MMP16: variants seen among roughly 807,000 people sequenced by gnomAD.
The protein encoded by MMP16 is matrix metallopeptidase 16.
A neutral mutation model predicts 67.8 loss-of-function variants in MMP16; 12 were observed. The ratio of observed to expected loss-of-function variants is 0.18; its 90% CI spans 0.11 to 0.29. MMP16 has a LOEUF of 0.29. MMP16 is among the 10% of genes least tolerant of loss of function. MMP16 has a pLI of 1.00. For missense variants in MMP16, 475 were observed against 765.7 expected (o/e 0.62, Z 4.48); for synonymous variants, 249 against 255.9 (o/e 0.97, Z 0.26).
chr8:88,251,223 C>T (rs1247743308), intron 1 of MMP16, among the ~76,000 whole-genome samples: 1 of 151,902 alleles, frequency 6.6e-6, no homozygotes, highest in African/African-American at 2.4e-5. Context: ...GGAGGCATCA[C>T]ACTACCTGAA....
chr8:88,044,413 A>G (rs569479834), intron 9 of MMP16, among the ~76,000 whole-genome samples: 1 of 152,316 alleles, frequency 6.6e-6, no homozygotes, highest in East Asian at 1.9e-4. Flanking sequence ...AGTATGTCAA[A>G]CCTTGATCCT....
At chr8:88,308,437 A>C (rs1487310757) in intron 1 of MMP16, among the ~76,000 whole-genome samples, 3 of 152,062 alleles carry the variant, frequency 2.0e-5, no homozygotes, top group Non-Finnish European at 4.4e-5. Context: ...GCCCCAGACA[A>C]GCTACATAAA....
intron 1 of MMP16, among the ~76,000 whole-genome samples, chr8:88,233,431 T>C (rs1262031928): frequency 6.6e-6 from 1 of 152,144 alleles, no homozygotes; most frequent in Non-Finnish European, 1.5e-5. Context: ...CTTCCCACCA[T>C]AATGTCCTAC....
chr8:88,041,682 G>T lies in MMP16; in HGVS notation c.1603C>A (p.Pro535Thr). ...ILKDFMGCDG[P>T]TDRVKEGHSP... ...TGTCCTTCTTTAACTCTGTCTGTTGGTCCATCACAGCCCATAAAATCCTTG... is the reference window on the plus strand; with the variant it reads ...TGTCCTTCTTTAACTCTGTCTGTTGTTCCATCACAGCCCATAAAATCCTTG... Residue 535 changes from proline (P) to threonine (T), a missense_variant, in exon 10 of 10, where the codon CCA becomes ACA. Physicochemically the swap from Pro to Thr is conservative, Grantham distance 38. Coordinates refer to ENST00000286614, the MANE Select transcript of MMP16 (RefSeq NM_005941.5). The surrounding 1 kb of genome is among the most constrained non-coding windows in gnomAD (Gnocchi z 6.0). 6.2e-7 allele frequency: 1 copy of T among 1,613,980 alleles called. No individual in the cohort carries two copies. Among genetic ancestry groups the T allele is most frequent in the Non-Finnish European group, 8.5e-7 (1 of 1,179,976 alleles).
intron 1 of MMP16, among the ~76,000 whole-genome samples, chr8:88,265,694 T>C (rs1810466250): frequency 6.6e-6 from 1 of 152,178 alleles, no homozygotes; most frequent in Admixed American, 6.5e-5. Flanking sequence ...TCATATCTTG[T>C]TTTTTAAGAA....
intron 7 of MMP16, among the ~76,000 whole-genome samples, chr8:88,074,161 T>C (rs944034240): frequency 6.6e-6 from 1 of 152,164 alleles, no homozygotes; most frequent in African/African-American, 2.4e-5. Flanking sequence ...AAGAATTCCT[T>C]GACTTCAGTT....
chr8:88,294,417 CAT>C (rs1239856851), intron 1 of MMP16, among the ~76,000 whole-genome samples: 6 of 150,880 alleles, frequency 4.0e-5, no homozygotes, highest in South Asian at 2.1e-4. Flanking sequence ...CATATATACA[CAT>C]ATATACACAT....
intron 7 of MMP16, among the ~76,000 whole-genome samples, chr8:88,062,646 G>A (rs1263432394): frequency 1.3e-5 from 2 of 151,748 alleles, no homozygotes; most frequent in Non-Finnish European, 2.9e-5. Flanking sequence ...ATCACACACC[G>A]GGGCCTGTTG....
chr8:88,048,511 C>G (rs947302880), intron 8 of MMP16, among the ~76,000 whole-genome samples: 1 of 152,156 alleles, frequency 6.6e-6, no homozygotes, highest in Non-Finnish European at 1.5e-5. Context: ...AGCCCTATTG[C>G]TCTATGCATT....
At chr8:88,131,324 AACG>A (rs1402672305) in intron 4 of MMP16, among the ~76,000 whole-genome samples, 2 of 151,248 alleles carry the variant, frequency 1.3e-5, no homozygotes, top group African/African-American at 4.8e-5. Flanking sequence ...CACCTAAACT[AACG>A]TAAAAGATAT....
intron 7 of MMP16, among the ~76,000 whole-genome samples, chr8:88,064,036 A>G (rs1351713089): frequency 2.0e-5 from 3 of 152,136 alleles, no homozygotes; most frequent in Admixed American, 2.0e-4. Context: ...AGCAGTGGTC[A>G]GTGAAGGAGG....
intron 2 of MMP16, among the ~76,000 whole-genome samples, chr8:88,189,135 T>C (rs1421133244): frequency 6.6e-6 from 1 of 152,176 alleles, no homozygotes; most frequent in Non-Finnish European, 1.5e-5. Context: ...TTTTGAGCTT[T>C]TACAACATGC....
intron 6 of MMP16, among the ~76,000 whole-genome samples, chr8:88,103,407 AC>A (rs1212976876): frequency 2.0e-5 from 3 of 151,820 alleles, no homozygotes; most frequent in Non-Finnish European, 4.4e-5. Context: ...GCTGGATAAA[AC>A]TTCCTTAATT....
chr8:88,154,151 T>C (rs1451141221), intron 4 of MMP16, among the ~76,000 whole-genome samples: 48 of 117,536 alleles, frequency 4.1e-4, no homozygotes, highest in Admixed American at 6.4e-4. Flanking sequence ...GAAATGCAAA[T>C]CAAAACCACT....
chr8:88,084,288 T>G (rs756118516), intron 6 of MMP16, among the ~76,000 whole-genome samples: 1 of 151,952 alleles, frequency 6.6e-6, no homozygotes. Flanking sequence ...TACAATCACG[T>G]AGAAGCAAAA....
At chr8:88,320,748 C>A (rs1193735198) in intron 1 of MMP16, among the ~76,000 whole-genome samples, 1 of 152,134 alleles carries the variant, frequency 6.6e-6, no homozygotes, top group Non-Finnish European at 1.5e-5. Context: ...CTTTAAGCAG[C>A]TCAATAGCTC....
chr8:88,074,751 C>CCAAG lies in MMP16; in HGVS notation c.1084-12_1084-9dup, dbSNP rs1808616890. 6.2e-7 allele frequency: 1 copy of CCAAG among 1,610,824 alleles called. No homozygotes were observed. Among genetic ancestry groups the CCAAG allele is most frequent in the African/African-American group, 1.3e-5 (1 of 74,730 alleles). ...TCGCCAAAACCACTGGTCCTGCAAA[C>CCAAG]CAAGCAAAGGCATCTCTCAACAAAC... is the stretch of plus-strand genomic sequence containing the variant. On this transcript the variant is annotated splice_polypyrimidine_tract_variant and intron_variant, in intron 6 of 9. Transcript: ENST00000286614.
At chr8:88,309,039 G>T (rs1430680888) in intron 1 of MMP16, among the ~76,000 whole-genome samples, 2 of 152,008 alleles carry the variant, frequency 1.3e-5, no homozygotes, top group Non-Finnish European at 2.9e-5. Context: ...TGGCAAGTGT[G>T]TGTGGAACCA....
chr8:88,316,431 T>A (rs1301370207), intron 1 of MMP16, among the ~76,000 whole-genome samples: 1 of 152,162 alleles, frequency 6.6e-6, no homozygotes, highest in East Asian at 1.9e-4. Flanking sequence ...AGAGCTCATT[T>A]ACCACTCCAA....
Sources: allele counts gnomAD v4.1 joint callset (sites outside exome capture counted in the v4.1 genomes callset), GRCh38; gene constraint gnomAD v4.1.1; non-coding constraint Gnocchi (gnomAD v3.1); transcripts MANE v1.5; gene names NCBI Gene and HGNC (gene_info 2026-07-23, HGNC 2026-07-21).